SCN3A: variants seen among roughly 807,000 people sequenced by gnomAD.
SCN3A encodes the protein sodium voltage-gated channel alpha subunit 3, also known as sodium channel protein type 3 subunit alpha.
SCN3A carries 60 observed loss-of-function variants against 187.6 expected under a neutral mutation model. That is an observed-to-expected ratio of 0.32 (90% CI 0.26 to 0.40). SCN3A has a LOEUF of 0.40. Among genes scored for constraint, SCN3A ranks in the 10% least tolerant of loss-of-function variants. The pLI, the probability that SCN3A is intolerant of heterozygous loss-of-function variation, is 1.00. For missense variants in SCN3A, 1,601 were observed against 2,428.2 expected (o/e 0.66, Z 7.16); for synonymous variants, 788 against 829.2 (o/e 0.95, Z 0.85).
At chr2:165,125,492 A>T (rs1686934516) in intron 18 of SCN3A, among the ~76,000 whole-genome samples, 1 of 151,632 alleles carries the variant, frequency 6.6e-6, no homozygotes, top group East Asian at 1.9e-4. Context: ...TTATTTATTT[A>T]TTTTTTAGTA....
At position 165,113,942 on chromosome 2, in the gene SCN3A, T is replaced by C. The variant is rs765345780; in HGVS notation, c.3543A>G (p.Gln1181=). The C allele has an allele frequency of 1.1e-5, 17 of 1,608,766 alleles. No homozygotes were observed. The highest frequency in any genetic ancestry group is 1.4e-5 in the Non-Finnish European group (16 of 1,176,008). ...TCCCTTTGCCTTCTTCTGTACTTACTTGACAGAATGGAAACTTTTTAATAC... is the reference window on the plus strand; with the variant it reads ...TCCCTTTGCCTTCTTCTGTACTTACCTGACAGAATGGAAACTTTTTAATAC... The part of the protein sequence containing the change: ...EGCIKKFPFC[Q]VSTEEGKGKI... Residue 1181 remains glutamine, a synonymous_variant, in exon 20 of 28, where the codon CAA becomes CAG. Coordinates refer to ENST00000283254, the MANE Select transcript of SCN3A (RefSeq NM_006922.4).
At chr2:165,162,454 T>C in intron 8 of SCN3A, 83 bp from the exon 9 acceptor site, 1 of 1,594,792 alleles carries the variant, frequency 6.3e-7, no homozygotes, top group South Asian at 1.1e-5. Context: ...GTTGGACTAT[T>C]TCAGTTATTT....
intron 1 of SCN3A, among the ~76,000 whole-genome samples, chr2:165,191,948 A>G (rs914564311): frequency 3.3e-5 from 5 of 151,402 alleles, no homozygotes; most frequent in Non-Finnish European, 7.4e-5. Context: ...TAGATTTATT[A>G]TTTGGAAATT....
In SCN3A at chr2:165,091,035, T is replaced by C; in HGVS notation, c.5118A>G (p.Thr1706=). The C allele has an allele frequency of 3.1e-6, 5 of 1,614,096 alleles. No homozygotes were observed. Among genetic ancestry groups the C allele is most frequent in the Non-Finnish European group, 4.2e-6 (5 of 1,180,004 alleles). The stretch of plus-strand genomic sequence containing the variant: ...GCAATCCATCCCAGCCAGCAGAGGT[T>C]GTAATTTGGAACAAGCAGATCATGC... ...GNSMICLFQI[T]TSAGWDGLLA... is the part of the protein sequence containing the mutation. Residue 1706 remains threonine (T), a synonymous_variant, in exon 28 of 28, where the codon ACA becomes ACG. Transcript: ENST00000283254.
At chr2:165,118,404 C>G (rs1312740876) in intron 18 of SCN3A, among the ~76,000 whole-genome samples, 1 of 152,184 alleles carries the variant, frequency 6.6e-6, no homozygotes, top group Non-Finnish European at 1.5e-5. Context: ...TCAAGGAATG[C>G]TCAGAGGGAA....
intron 11 of SCN3A, among the ~76,000 whole-genome samples, chr2:165,149,138 C>T (rs1376588713): frequency 6.6e-6 from 1 of 151,826 alleles, no homozygotes; most frequent in Non-Finnish European, 1.5e-5. Context: ...TAGTCCCTTA[C>T]CATAATCCTA....
rs760800398 is a variant in SCN3A at position 165,146,844 on chromosome 2, G to C, written c.1566C>G (p.Ser522Arg). ...LEGNNKGERD[S>R]FPKSESEDSV... is the part of the protein sequence containing the mutation. ...TGTCTTCAGATTCGGATTTGGGAAA[G>C]CTGTCTCTCTCTCCTTTGTTGTTTC... The change falls in exon 12 of 28, where the codon AGC becomes AGG. Residue 522 changes from serine (S) to arginine (R), a missense_variant. By Grantham distance (110) the Ser-to-Arg change is moderately radical. Coordinates refer to ENST00000283254, the MANE Select transcript of SCN3A (RefSeq NM_006922.4). The C allele has an allele frequency of 6.8e-6, 11 of 1,614,086 alleles. No individual in the cohort carries two copies. In the Middle Eastern group the frequency reaches 4.9e-4, roughly 73 times the overall value.
intron 18 of SCN3A, among the ~76,000 whole-genome samples, chr2:165,119,966 G>A (rs1686571951): frequency 1.3e-5 from 2 of 152,108 alleles, no homozygotes; most frequent in East Asian, 3.9e-4. Context: ...TTGTTTTCTT[G>A]TACTATTTTC....
chr2:165,097,850 AT>A (rs1685431946), intron 22 of SCN3A, among the ~76,000 whole-genome samples: 1 of 152,234 alleles, frequency 6.6e-6, no homozygotes, highest in African/African-American at 2.4e-5. Context: ...AACAGAAAAA[AT>A]AATCATCTTT....
At chr2:165,195,327 A>G (rs1046073303) in intron 1 of SCN3A, 4 of 152,116 alleles carry the variant, frequency 2.6e-5, no homozygotes, top group African/African-American at 9.7e-5. Flanking sequence ...CTGTCTCCTC[A>G]AGGACATGGA....
At chr2:165,183,904 GAGA>G (rs1691051531) in intron 2 of SCN3A, among the ~76,000 whole-genome samples, 1 of 152,152 alleles carries the variant, frequency 6.6e-6, no homozygotes, top group Non-Finnish European at 1.5e-5. Flanking sequence ...TCACGTCTTT[GAGA>G]AGGAGAGTGT....
At chr2:165,162,155 C>A (rs974288440) in intron 9 of SCN3A, among the ~76,000 whole-genome samples, 153 bp downstream of exon 9, 1 of 152,072 alleles carries the variant, frequency 6.6e-6, no homozygotes, top group African/African-American at 2.4e-5. Context: ...AGTGGCAATC[C>A]GGTAAGGCAG....
intron 25 of SCN3A, 40 bp downstream of exon 25, chr2:165,095,471 A>G: frequency 6.3e-7 from 1 of 1,598,040 alleles, no homozygotes; most frequent in Non-Finnish European, 8.6e-7. Context: ...AACAGACAGA[A>G]CCCCAGAATG....
chr2:165,124,518 C>T (rs539750292), intron 18 of SCN3A, among the ~76,000 whole-genome samples: 1 of 152,110 alleles, frequency 6.6e-6, no homozygotes, highest in South Asian at 2.1e-4. Context: ...TTTATAATTA[C>T]TTATTTGATG....
In SCN3A at chr2:165,162,617, A is replaced by G. The variant is rs371719575; in HGVS notation, c.906T>C (p.Asn302=). 18 of 1,614,166 alleles carry G rather than the reference A, an allele frequency of 1.1e-5. No individual in the cohort carries two copies. Among genetic ancestry groups the G allele is most frequent in the Admixed American group, 1.7e-5 (1 of 60,024 alleles). The stretch of plus-strand genomic sequence containing the variant: ...TCATTGTTACATTAACAAATGTCCC[A>G]TTTGAATCCATTGTGCCATTAAAGT... The part of the protein sequence containing the change: ...TSYFNGTMDS[N]GTFVNVTMST... Residue 302 remains asparagine (N), a synonymous_variant, in exon 8 of 28, where the codon AAT becomes AAC. Coordinates refer to ENST00000283254, the MANE Select transcript of SCN3A (RefSeq NM_006922.4).
chr2:165,137,540 G>A (rs765842268), intron 15 of SCN3A, among the ~76,000 whole-genome samples: 25 of 152,010 alleles, frequency 1.6e-4, no homozygotes, highest in Non-Finnish European at 3.7e-4. Context: ...TTTAGAGGCT[G>A]TGTGGGTTAA....
intron 26 of SCN3A, chr2:165,093,298 A>G (rs1685203484): frequency 6.6e-6 from 1 of 152,192 alleles, no homozygotes; most frequent in African/African-American, 2.4e-5. Flanking sequence ...TCATATTTCT[A>G]TTGAATTCTA....
In SCN3A at chr2:165,090,625, C is replaced by T. The variant is rs778168402; in HGVS notation, c.5528G>A (p.Ser1843Asn). Reference sequence around the variant, plus strand: ...ATCAAGACAGTGGATCCGGTCACCACTGACCATGGGCAGATCCATGGCAAT... The same window carrying T: ...ATCAAGACAGTGGATCCGGTCACCATTGACCATGGGCAGATCCATGGCAAT... Reference protein sequence around the residue: ...QLIAMDLPMVSGDRIHCLDIL... With the variant: ...QLIAMDLPMVNGDRIHCLDIL... The change falls in exon 28 of 28, where the codon AGT (serine) becomes AAT (asparagine). Residue 1843 changes from serine to asparagine, a missense_variant. By Grantham distance (46) the Ser-to-Asn change is conservative. Around this residue, in one of 11 missense-constraint regions of SCN3A, gnomAD observed 110 missense variants for 175.9 expected, o/e 0.63. Coordinates refer to ENST00000283254, the MANE Select transcript of SCN3A (RefSeq NM_006922.4). The surrounding 1 kb of genome is among the most constrained non-coding windows in gnomAD (Gnocchi z 4.0). 2.5e-6 allele frequency: 4 copies of T among 1,614,076 alleles called. No individual in the cohort carries two copies. Among genetic ancestry groups the T allele is most frequent in the East Asian group, 2.2e-5 (1 of 44,868 alleles).
At chr2:165,166,633 C>T (rs1381466454) in intron 5 of SCN3A, among the ~76,000 whole-genome samples, 3 of 152,120 alleles carry the variant, frequency 2.0e-5, no homozygotes, top group Admixed American at 6.5e-5. Flanking sequence ...TTTCAAATAT[C>T]GGTGACTTCA....
Sources: allele counts gnomAD v4.1 joint callset (sites outside exome capture counted in the v4.1 genomes callset), GRCh38; gene constraint gnomAD v4.1.1; regional missense constraint gnomAD v4.1.1; non-coding constraint Gnocchi (gnomAD v3.1); transcripts MANE v1.5; gene names NCBI Gene and HGNC (gene_info 2026-07-23, HGNC 2026-07-21).